NDST3: variants seen among roughly 807,000 people sequenced by gnomAD.
NDST3 encodes the protein N-deacetylase and N-sulfotransferase 3.
NDST3 carries 58 observed loss-of-function variants against 96.1 expected under a neutral mutation model. The ratio of observed to expected loss-of-function variants is 0.60; its 90% confidence interval spans 0.49 to 0.75. NDST3 has a LOEUF of 0.75. Ranked by LOEUF, NDST3 falls within the 30% of genes least tolerant of loss-of-function variation. The probability of loss-of-function intolerance (pLI) is 0.00; values close to 1 mark genes in which losing one functional copy is unlikely to be tolerated. For synonymous variants in NDST3, 333 were observed against 359.7 expected (o/e 0.93, Z 0.84); for missense variants, 788 against 1,034.2 (o/e 0.76, Z 3.27).
chr4:118,153,800 G>A (rs1464518836), intron 6 of NDST3, among the ~76,000 whole-genome samples: 1 of 151,982 alleles, frequency 6.6e-6, no homozygotes, highest in African/African-American at 2.4e-5. Flanking sequence ...CTCCAGCCTG[G>A]GCGACAGAGA....
chr4:118,085,874 G>A (rs1728378461), intron 2 of NDST3, among the ~76,000 whole-genome samples: 1 of 152,136 alleles, frequency 6.6e-6, no homozygotes, highest in Admixed American at 6.5e-5. Flanking sequence ...CATCGTATGG[G>A]CTTTTATGTG....
intron 5 of NDST3, among the ~76,000 whole-genome samples, chr4:118,138,489 T>TA (rs1013143816): frequency 7.2e-5 from 11 of 151,744 alleles, no homozygotes; most frequent in East Asian, 5.8e-4. Flanking sequence ...GTTAAAATAC[T>TA]AAAAAAAAAT....
intron 2 of NDST3, among the ~76,000 whole-genome samples, chr4:118,080,878 A>T (rs1379224051): frequency 6.6e-6 from 1 of 152,186 alleles, no homozygotes; most frequent in Non-Finnish European, 1.5e-5. Flanking sequence ...TTAGGGAGAA[A>T]ATGTGAACCC....
chr4:118,054,859 G>C lies in NDST3; in HGVS notation c.949G>C (p.Glu317Gln), dbSNP rs775885552. The C allele has an allele frequency of 6.2e-7, 1 of 1,611,998 alleles. No individual in the cohort carries two copies. Among genetic ancestry groups the C allele is most frequent in the South Asian group, 1.1e-5 (1 of 91,060 alleles). ...VDIDDIFVGK[E>Q]GTRMNTNDVK... Reference sequence around the variant, plus strand: ...TATTGATGATATATTTGTGGGAAAAGAGGGAACAAGAATGAACACCAATGA... The same window carrying C: ...TATTGATGATATATTTGTGGGAAAACAGGGAACAAGAATGAACACCAATGA... The change falls in exon 2 of 14, where the codon GAG (glutamate) becomes CAG (glutamine). Residue 317 changes from glutamate (E) to glutamine (Q), a missense_variant. Physicochemically the swap from Glu to Gln is conservative, Grantham distance 29. Coordinates refer to ENST00000296499, the MANE Select transcript of NDST3 (RefSeq NM_004784.3).
rs11947552 is a variant in NDST3 at position 118,161,348 on chromosome 4, A to G, written c.1539+17664A>G. ...AGGGACCCACTTGAGGAGGCAGTCT[A>G]CCCATTCTCAGATATCCAGCTGTGT... On this transcript the variant is annotated intron_variant, in intron 6 of 13. Transcript: ENST00000296499. Among the ~76,000 whole-genome samples the G allele has an allele frequency of 4.9e-3, 747 of 152,260 alleles. 8 individuals are homozygous for G. The highest frequency in any genetic ancestry group is 0.017 in the African/African-American group (715 of 41,560).
At chr4:118,175,235 TATTC>T (rs1321928203) in intron 6 of NDST3, among the ~76,000 whole-genome samples, 1 of 152,118 alleles carries the variant, frequency 6.6e-6, no homozygotes, top group Non-Finnish European at 1.5e-5. Flanking sequence ...TCTATGCCAG[TATTC>T]CCAAGTAAAC....
intron 4 of NDST3, among the ~76,000 whole-genome samples, chr4:118,133,684 A>G (rs1016305071): frequency 5.3e-5 from 8 of 152,212 alleles, no homozygotes; most frequent in African/African-American, 1.9e-4. Context: ...ACTGCAGTCT[A>G]AAAATTGCTT....
At chr4:118,117,250 C>A (rs1731204986) in intron 4 of NDST3, among the ~76,000 whole-genome samples, 1 of 151,876 alleles carries the variant, frequency 6.6e-6, no homozygotes, top group African/African-American at 2.4e-5. Context: ...TATGAAAGAG[C>A]ACATATAAAT....
intron 2 of NDST3, among the ~76,000 whole-genome samples, chr4:118,099,114 T>G (rs912683350): frequency 9.9e-5 from 15 of 152,080 alleles, no homozygotes; most frequent in African/African-American, 3.6e-4. Flanking sequence ...GGGAGTTACA[T>G]ATTGTTATTC....
intron 6 of NDST3, among the ~76,000 whole-genome samples, chr4:118,199,097 T>C (rs1474322780): frequency 3.9e-5 from 6 of 152,180 alleles, no homozygotes; most frequent in African/African-American, 2.4e-5. Flanking sequence ...TATCTTTCTC[T>C]AGGTTTAGGA....
chr4:118,140,802 C>T (rs978324122), intron 5 of NDST3, among the ~76,000 whole-genome samples: 1 of 152,222 alleles, frequency 6.6e-6, no homozygotes, highest in Non-Finnish European at 1.5e-5. Context: ...ACAAGAACAG[C>T]ATGTGGGAAA....
intron 6 of NDST3, among the ~76,000 whole-genome samples, chr4:118,171,793 G>T (rs1030678411): frequency 6.6e-6 from 1 of 152,162 alleles, no homozygotes; most frequent in African/African-American, 2.4e-5. Context: ...TTTTCCAAAA[G>T]GAGTGGGTTT....
chr4:118,094,094 A>C (rs1729102219), intron 2 of NDST3, among the ~76,000 whole-genome samples: 1 of 151,832 alleles, frequency 6.6e-6, no homozygotes, highest in Non-Finnish European at 1.5e-5. Flanking sequence ...TCACTTCTTA[A>C]TACTACCACA....
chr4:118,243,191 T>A (rs2126008182), intron 12 of NDST3, among the ~76,000 whole-genome samples: 1 of 152,220 alleles, frequency 6.6e-6, no homozygotes, highest in African/African-American at 2.4e-5. Flanking sequence ...GTTCCACAGA[T>A]CGAGTAGTTT....
chr4:118,078,168 C>T (rs1727723269), intron 2 of NDST3, among the ~76,000 whole-genome samples: 1 of 152,068 alleles, frequency 6.6e-6, no homozygotes. Context: ...CTGCACTCAG[C>T]CCAGACAGGC....
At chr4:118,151,084 G>T (rs1416328444) in intron 6 of NDST3, among the ~76,000 whole-genome samples, 3 of 152,136 alleles carry the variant, frequency 2.0e-5, no homozygotes, top group Non-Finnish European at 4.4e-5. Context: ...CATGTCCTTT[G>T]TAGGGACATG....
chr4:118,092,833 T>C (rs976548369), intron 2 of NDST3, among the ~76,000 whole-genome samples: 1 of 151,794 alleles, frequency 6.6e-6, no homozygotes, highest in Non-Finnish European at 1.5e-5. Flanking sequence ...TATCAGACAC[T>C]GGCAGGTGTT....
At chr4:118,105,627 G>C (rs1261005251) in intron 3 of NDST3, among the ~76,000 whole-genome samples, 1 of 152,112 alleles carries the variant, frequency 6.6e-6, no homozygotes, top group Non-Finnish European at 1.5e-5. Context: ...CTGTCTATAG[G>C]TTATAATTCT....
At chr4:118,091,366 A>G (rs1004784213) in intron 2 of NDST3, among the ~76,000 whole-genome samples, 5 of 151,930 alleles carry the variant, frequency 3.3e-5, no homozygotes, top group African/African-American at 9.6e-5. Context: ...CAGATAAACC[A>G]TAAGATCCCT....
Sources: allele counts gnomAD v4.1 joint callset (sites outside exome capture counted in the v4.1 genomes callset), GRCh38; gene constraint gnomAD v4.1.1; transcripts MANE v1.5; gene names NCBI Gene and HGNC (gene_info 2026-07-23, HGNC 2026-07-21).